ADGRG5: variants seen among roughly 807,000 people sequenced by gnomAD.
The protein encoded by ADGRG5 is adhesion G protein-coupled receptor G5, also known as G protein-coupled receptor 114.
A neutral mutation model predicts 53.2 loss-of-function variants in ADGRG5; 37 were observed. The ratio of observed to expected loss-of-function variants is 0.70; its 90% CI spans 0.53 to 0.91. ADGRG5 has a LOEUF of 0.91. Among genes scored for constraint, ADGRG5 ranks in the 40% least tolerant of loss-of-function variants. ADGRG5 has a pLI of 0.00. For missense variants in ADGRG5, 614 were observed against 675.8 expected (o/e 0.91, Z 1.01); for synonymous variants, 277 against 290.4 (o/e 0.95, Z 0.47).
intron 4 of ADGRG5, 108 bp downstream of exon 4, chr16:57,563,355 C>T: frequency 1.0e-6 from 1 of 953,466 alleles, no homozygotes; most frequent in East Asian, 2.5e-5. Context: ...CTCCCCACAC[C>T]CCACAGTCCA....
chr16:57,541,480 G>C (rs976807005), upstream of ADGRG5, among the ~76,000 whole-genome samples: 21 of 152,324 alleles, frequency 1.4e-4, no homozygotes, highest in Admixed American at 3.3e-4. Context: ...CGGTGTCCCT[G>C]CAAAACCTTC....
At chr16:57,561,953 A>G (rs1459980510) in intron 1 of ADGRG5, 103 bp from the exon 2 acceptor site, 7 of 552,950 alleles carry the variant, frequency 1.3e-5, no homozygotes, top group Non-Finnish European at 2.2e-5. Flanking sequence ...AGGAGTGGTG[A>G]GTCAAATAAG....
chr16:57,564,109 C>A, intron 5 of ADGRG5, 130 bp downstream of exon 5: 1 of 1,004,412 alleles, frequency 1.0e-6, no homozygotes, highest in Non-Finnish European at 1.5e-6. Context: ...CTGTGCAATC[C>A]AAGCCAGCAA....
At chr16:57,572,092 A>G (rs1451348361) in intron 10 of ADGRG5, among the ~76,000 whole-genome samples, 1 of 150,216 alleles carries the variant, frequency 6.7e-6, no homozygotes, top group Non-Finnish European at 1.5e-5. Flanking sequence ...TCAGGAAACA[A>G]TTACCTTGGG....
At chr16:57,529,277 G>A in the ADGRG5 span, 2 of 1,117,382 alleles carry the variant, frequency 1.8e-6, no homozygotes, top group East Asian at 4.7e-5. This position sits in a 1 kb window ranked among gnomAD's most constrained non-coding sequence, Gnocchi z 4.1. Flanking sequence ...TGATGACGCC[G>A]TGCCCCGCTT....
intron 1 of ADGRG5, among the ~76,000 whole-genome samples, chr16:57,550,745 T>G (rs932222425): frequency 1.4e-4 from 21 of 152,220 alleles, no homozygotes; most frequent in African/African-American, 4.8e-4. Context: ...AAGTGATGCT[T>G]ACGGCCAGGC....
At chr16:57,542,191 C>T (rs1341986235), upstream of ADGRG5, among the ~76,000 whole-genome samples, 1 of 152,234 alleles carries the variant, frequency 6.6e-6, no homozygotes, top group Non-Finnish European at 1.5e-5. Flanking sequence ...GGTACTTGAA[C>T]CCAGGCAGTC....
chr16:57,529,351 A>G, the ADGRG5 span: 3 of 868,382 alleles, frequency 3.5e-6, no homozygotes, highest in Non-Finnish European at 4.3e-6. The surrounding 1 kb of genome is among the most constrained non-coding windows in gnomAD (Gnocchi z 4.1). Context: ...CCGTTATTGG[A>G]CTGCGACCAC....
At chr16:57,563,741 G>A (rs1485551394) in intron 4 of ADGRG5, 107 bp from the exon 5 acceptor site, 1 of 1,423,424 alleles carries the variant, frequency 7.0e-7, no homozygotes, top group African/African-American at 1.4e-5. Context: ...AGGTTCTGTG[G>A]GTGGAAACCC....
intron 1 of ADGRG5, among the ~76,000 whole-genome samples, chr16:57,545,109 G>A (rs1339214793): frequency 6.6e-6 from 1 of 152,144 alleles, no homozygotes; most frequent in East Asian, 1.9e-4. Context: ...TTTTCTCTGA[G>A]GTTCTGAGAG....
chr16:57,543,605 C>T (rs547970400), intron 1 of ADGRG5, among the ~76,000 whole-genome samples: 2 of 152,194 alleles, frequency 1.3e-5, no homozygotes, highest in South Asian at 4.2e-4. Context: ...TTTGCAGAGA[C>T]CACAGGTTGA....
In ADGRG5 at chr16:57,566,716, C is replaced by A; in HGVS notation, c.664C>A (p.Arg222Ser). 1 of 1,571,278 alleles carries A rather than the reference C, an allele frequency of 6.4e-7. No individual in the cohort carries two copies. The change falls in exon 7 of 12, where the codon CGC becomes AGC. Residue 222 changes from arginine (R) to serine (S), a missense_variant. Arg to Ser is a moderately radical substitution (Grantham distance 110, BLOSUM62 -1). Coordinates refer to ENST00000349457, the MANE Select transcript of ADGRG5 (RefSeq NM_001304376.3). ...GCCCTCCCACTCTCAGGTGCTCTGCCGCTGCAACCACCTCACCTACTTTGC... is the reference window on the plus strand; with the variant it reads ...GCCCTCCCACTCTCAGGTGCTCTGCAGCTGCAACCACCTCACCTACTTTGC... ...EQPSHSQVLC[R>S]CNHLTYFAVL... is the part of the protein sequence containing the mutation.
intron 1 of ADGRG5, among the ~76,000 whole-genome samples, chr16:57,548,257 T>G (rs1396937014): frequency 1.3e-5 from 2 of 152,098 alleles, no homozygotes; most frequent in Non-Finnish European, 2.9e-5. Context: ...CTTTTAATTT[T>G]GAGAAAATTA....
At position 57,575,017 on chromosome 16, in the gene ADGRG5, G is replaced by A; in HGVS notation, c.1411G>A (p.Ala471Thr). 6.2e-7 allele frequency: 1 copy of A among 1,614,010 alleles called. No individual in the cohort carries two copies. Among genetic ancestry groups the A allele is most frequent in the Non-Finnish European group, 8.5e-7 (1 of 1,180,012 alleles). The change falls in exon 11 of 12, where the codon GCC becomes ACC. Residue 471 changes from alanine to threonine, a missense_variant. Ala to Thr is a moderately conservative substitution (Grantham distance 58, BLOSUM62 0). Coordinates refer to ENST00000349457, the MANE Select transcript of ADGRG5 (RefSeq NM_001304376.3). ...CACCGTGCTGCTGGGAACCACCTGG[G>A]CCTTGGCCTTCTTTTCTTTTGGCGT... ...GLTVLLGTTW[A>T]LAFFSFGVFL...
intron 6 of ADGRG5, chr16:57,565,965 T>A (rs2033121429): frequency 6.6e-6 from 1 of 152,378 alleles, no homozygotes; most frequent in Non-Finnish European, 1.5e-5. Flanking sequence ...CATCATCCTT[T>A]CCTTTCAGCT....
At chr16:57,566,268 C>A (rs1204076480) in intron 6 of ADGRG5, 4 of 226,150 alleles carry the variant, frequency 1.8e-5, no homozygotes, top group Non-Finnish European at 2.6e-5. Flanking sequence ...GGTTATGGAG[C>A]GCCTACTGTA....
At chr16:57,534,120 G>A in the ADGRG5 span, among the ~76,000 whole-genome samples, 1 of 152,142 alleles carries the variant, frequency 6.6e-6, no homozygotes, top group Non-Finnish European at 1.5e-5. Flanking sequence ...TTCAAGTTCA[G>A]CTGCCACCAA....
chr16:57,531,396 C>A, the ADGRG5 span, among the ~76,000 whole-genome samples: 1 of 152,084 alleles, frequency 6.6e-6, no homozygotes, highest in Non-Finnish European at 1.5e-5. Context: ...TGCTGTGCAT[C>A]CGCCTTCCAT....
At chr16:57,552,118 G>A (rs1194759686) in intron 1 of ADGRG5, among the ~76,000 whole-genome samples, 3 of 151,654 alleles carry the variant, frequency 2.0e-5, no homozygotes, top group African/African-American at 7.3e-5. Context: ...TCCAGGCTTT[G>A]TTATTCCATT....
Sources: gnomAD v4.1 joint callset for allele counts (sites outside exome capture counted in the v4.1 genomes callset) on GRCh38, gnomAD v4.1.1 for gene constraint, Gnocchi (gnomAD v3.1) non-coding constraint, MANE v1.5 for transcripts, NCBI Gene and HGNC (gene_info 2026-07-23, HGNC 2026-07-21) for gene names.